EXOC4: variants seen among roughly 807,000 people sequenced by gnomAD.
The protein encoded by EXOC4 is SEC8-like 1.
A neutral mutation model predicts 107.2 loss-of-function variants in EXOC4; 71 were observed. That is an observed-to-expected ratio of 0.66 (90% CI 0.55 to 0.81). EXOC4 has a LOEUF of 0.81. Ranked by LOEUF, EXOC4 falls within the 30% of genes least tolerant of loss-of-function variation. EXOC4 has a pLI of 0.00. For synonymous variants in EXOC4, 456 were observed against 441.2 expected (o/e 1.03, Z -0.42); for missense variants, 1,108 against 1,189.6 (o/e 0.93, Z 1.01).
chr7:133,273,216 C>A (rs1174682712), intron 1 of EXOC4, among the ~76,000 whole-genome samples: 1 of 152,218 alleles, frequency 6.6e-6, no homozygotes, highest in Non-Finnish European at 1.5e-5. Flanking sequence ...AACAAGAAGA[C>A]ATGATACATG....
intron 14 of EXOC4, among the ~76,000 whole-genome samples, chr7:133,973,926 G>A (rs544318740): frequency 1.3e-5 from 2 of 151,526 alleles, no homozygotes; most frequent in Non-Finnish European, 3.0e-5. Context: ...CCTGGTGGAA[G>A]GGGGAAGGCA....
intron 12 of EXOC4, among the ~76,000 whole-genome samples, chr7:133,901,755 A>G (rs940960026): frequency 2.0e-5 from 3 of 152,150 alleles, no homozygotes; most frequent in Admixed American, 1.3e-4. Flanking sequence ...AATCTGCCCT[A>G]TAAAAGATTG....
At chr7:133,800,807 C>A (rs892123776) in intron 10 of EXOC4, among the ~76,000 whole-genome samples, 2 of 152,148 alleles carry the variant, frequency 1.3e-5, no homozygotes, top group Admixed American at 6.6e-5. Flanking sequence ...AATAACGATA[C>A]TATAAAGTGT....
At chr7:133,580,165 A>C (rs1296840167) in intron 9 of EXOC4, among the ~76,000 whole-genome samples, 1 of 152,208 alleles carries the variant, frequency 6.6e-6, no homozygotes, top group East Asian at 1.9e-4. Context: ...TAATATTCCA[A>C]AGTATGTATA....
chr7:134,087,117 C>G, the EXOC4 span, among the ~76,000 whole-genome samples: 6 of 152,180 alleles, frequency 3.9e-5, no homozygotes, highest in African/African-American at 1.2e-4. Context: ...TCTGGAAATG[C>G]AGCCCAGTAG....
Position 134,017,052 on chromosome 7 carries a change from A to G in EXOC4, c.2687+9217A>G, listed in dbSNP as rs148677123. 3.3e-5 allele frequency among the ~76,000 whole-genome samples: 5 copies of G among 152,276 alleles called. No individual in the cohort carries two copies. The East Asian group carries it at 9.7e-4, about 29-fold the overall frequency. ...ATCTGACTGCTTTGCTAGAAGAACA[A>G]TTTTGTTTCTGAGAAAGAAGCACAA... is the stretch of plus-strand genomic sequence containing the variant. On this transcript the variant is annotated intron_variant, in intron 17 of 17. Coordinates refer to ENST00000253861, the MANE Select transcript of EXOC4 (RefSeq NM_021807.4).
chr7:133,818,294 A>C (rs1797424263), intron 11 of EXOC4, among the ~76,000 whole-genome samples: 1 of 152,160 alleles, frequency 6.6e-6, no homozygotes, highest in South Asian at 2.1e-4. Context: ...TAAGAGTAGG[A>C]TGGGCACAGT....
At chr7:133,947,558 A>G (rs985679115) in intron 14 of EXOC4, among the ~76,000 whole-genome samples, 3 of 152,204 alleles carry the variant, frequency 2.0e-5, no homozygotes, top group Admixed American at 2.0e-4. Context: ...CTATTGTTGA[A>G]AAACATGCCA....
chr7:133,937,847 T>C, intron 13 of EXOC4, 44 bp from the exon 14 acceptor site: 2 of 1,602,596 alleles, frequency 1.2e-6, no homozygotes, highest in Non-Finnish European at 1.7e-6. Flanking sequence ...GTCCTACCTT[T>C]TCCATGCTGT....
Position 133,844,232 on chromosome 7 carries a change from G to A in EXOC4, c.1734+26688G>A, listed in dbSNP as rs146972076. Among the ~76,000 whole-genome samples the A allele has an allele frequency of 2.4e-3, 369 of 152,014 alleles. 5 individuals are homozygous for A. Among genetic ancestry groups the A allele is most frequent in the African/African-American group, 8.2e-3 (342 of 41,480 alleles). On this transcript the variant is annotated intron_variant, in intron 11 of 17. Coordinates refer to ENST00000253861, the MANE Select transcript of EXOC4 (RefSeq NM_021807.4). ...CAATTTTTTGGAATAGAGTGGTACC[G>A]GCTCTTCTTTATACATCTGGTAGAA...
intron 10 of EXOC4, among the ~76,000 whole-genome samples, chr7:133,671,313 C>T (rs900276500): frequency 3.3e-5 from 5 of 152,158 alleles, no homozygotes; most frequent in Non-Finnish European, 7.3e-5. Context: ...TCTGTAATCA[C>T]AGCACTTTGA....
intron 11 of EXOC4, among the ~76,000 whole-genome samples, chr7:133,848,781 C>T (rs1201225263): frequency 1.3e-5 from 2 of 152,132 alleles, no homozygotes; most frequent in Non-Finnish European, 2.9e-5. Flanking sequence ...TTACAGTTTA[C>T]TCATTTTATT....
At chr7:133,583,461 T>C (rs1288916672) in intron 9 of EXOC4, among the ~76,000 whole-genome samples, 1 of 152,114 alleles carries the variant, frequency 6.6e-6, no homozygotes, top group African/African-American at 2.4e-5. Context: ...TCTGGGAACA[T>C]AGAAGGGCAC....
chr7:133,998,899 A>G (rs2116294028), intron 15 of EXOC4, among the ~76,000 whole-genome samples: 1 of 152,262 alleles, frequency 6.6e-6, no homozygotes, highest in East Asian at 1.9e-4. Flanking sequence ...TGCTGAAGGT[A>G]GAGCTAATGA....
intron 5 of EXOC4, among the ~76,000 whole-genome samples, chr7:133,341,503 T>G (rs1795659992): frequency 6.6e-6 from 1 of 152,182 alleles, no homozygotes; most frequent in Admixed American, 6.5e-5. Flanking sequence ...GAATGTATAT[T>G]CTGCAGTTGT....
intron 13 of EXOC4, among the ~76,000 whole-genome samples, chr7:133,933,192 G>A (rs1479605430): frequency 3.3e-5 from 5 of 152,020 alleles, no homozygotes; most frequent in Admixed American, 2.6e-4. Context: ...TAATTGTGTG[G>A]TAAAATTAAG....
At chr7:134,022,619 G>A (rs933602979) in intron 17 of EXOC4, among the ~76,000 whole-genome samples, 2 of 151,868 alleles carry the variant, frequency 1.3e-5, no homozygotes, top group Non-Finnish European at 2.9e-5. Context: ...TGGGGTTCTT[G>A]CCTTCCAGTA....
chr7:133,894,897 G>A (rs13223762), intron 11 of EXOC4, among the ~76,000 whole-genome samples: 1 of 75,674 alleles, frequency 1.3e-5, no homozygotes, highest in East Asian at 3.2e-4. Context: ...TCTGTGCCCT[G>A]CCCCCAGAGG....
chr7:133,730,239 A>G (rs1795298491), intron 10 of EXOC4, among the ~76,000 whole-genome samples: 1 of 150,028 alleles, frequency 6.7e-6, no homozygotes, highest in Non-Finnish European at 1.5e-5. Flanking sequence ...AAATGAGATG[A>G]TTGGAAACAG....
Sources: allele counts gnomAD v4.1 joint callset (sites outside exome capture counted in the v4.1 genomes callset), GRCh38; gene constraint gnomAD v4.1.1; transcripts MANE v1.5; gene names NCBI Gene and HGNC (gene_info 2026-07-23, HGNC 2026-07-21).